FRMD4A: variants seen among roughly 807,000 people sequenced by gnomAD.
FRMD4A encodes FERM domain containing 4A, also known as FERM domain-containing protein 4A.
In FRMD4A, 29 loss-of-function variants were observed where a neutral mutation model predicts 129.1. That is an observed-to-expected ratio of 0.22 (90% CI 0.17 to 0.31). The LOEUF (loss-of-function observed/expected upper bound fraction) is 0.31, where lower values mean the gene tolerates loss of function less well. Ranked by LOEUF, FRMD4A falls within the 10% of genes least tolerant of loss-of-function variation. The pLI is 1.00. For synonymous variants in FRMD4A, 634 were observed against 571.6 expected, an observed-to-expected ratio of 1.11 and a Z score of -1.56; for missense variants, 1,272 against 1,375.8, an observed-to-expected ratio of 0.92 and a Z score of 1.19.
chr10:13,993,054 C>T (rs1020210506), intron 2 of FRMD4A, among the ~76,000 whole-genome samples: 1 of 151,416 alleles, frequency 6.6e-6, no homozygotes, highest in Non-Finnish European at 1.5e-5. Context: ...TGTCCTATGT[C>T]CCTACAAAAC....
chr10:13,681,506 G>T (rs78363802), intron 15 of FRMD4A, among the ~76,000 whole-genome samples: 1,752 of 152,120 alleles, frequency 0.012, 25 homozygotes, highest in African/African-American at 0.04. Context: ...TAGGAGTCAA[G>T]GGGAAAACAG....
In FRMD4A at chr10:13,966,891, G is replaced by A. The variant is rs117421795; in HGVS notation, c.46-107979C>T. Among the ~76,000 whole-genome samples, 8 of 152,338 alleles carry A rather than the reference G, an allele frequency of 5.3e-5. No individual in the cohort carries two copies. In the East Asian group the frequency reaches 1.3e-3, roughly 26 times the overall value. ...TATACATAGGATGGAATATTGCTTA[G>A]CCATAAAAAGGAATGAATTAATGGC... On this transcript the variant is annotated intron_variant, in intron 2 of 24. Transcript: ENST00000357447.
At chr10:13,697,516 C>T (rs80236568) in intron 14 of FRMD4A, among the ~76,000 whole-genome samples, 1,935 of 152,212 alleles carry the variant, frequency 0.013, 18 homozygotes, top group African/African-American at 0.018. Flanking sequence ...ACCGGGAGGA[C>T]ATGGGCATTG....
intron 2 of FRMD4A, among the ~76,000 whole-genome samples, chr10:14,031,065 C>T (rs1167241419): frequency 1.3e-5 from 2 of 152,136 alleles, no homozygotes; most frequent in African/African-American, 4.8e-5. Flanking sequence ...TCAGTCTTGC[C>T]ATCTGTCACT....
chr10:13,814,081 T>C (rs564876663), intron 3 of FRMD4A, among the ~76,000 whole-genome samples: 3 of 152,216 alleles, frequency 2.0e-5, no homozygotes, highest in Non-Finnish European at 2.9e-5. Context: ...TGCTCGAGAA[T>C]GGATTTGATT....
At chr10:14,185,857 C>T (rs1207060452) in intron 2 of FRMD4A, among the ~76,000 whole-genome samples, 1 of 152,044 alleles carries the variant, frequency 6.6e-6, no homozygotes, top group African/African-American at 2.4e-5. Flanking sequence ...CCAGGTTTCC[C>T]ATAGAGTTAG....
intron 2 of FRMD4A, among the ~76,000 whole-genome samples, chr10:13,964,492 G>T (rs11258754): frequency 3.4e-5 from 5 of 149,120 alleles, no homozygotes; most frequent in African/African-American, 1.0e-4. Context: ...TGGGTGGGGA[G>T]GCAATAGAGA....
At chr10:14,179,199 G>GAA (rs1841830135) in intron 2 of FRMD4A, among the ~76,000 whole-genome samples, 1 of 152,010 alleles carries the variant, frequency 6.6e-6, no homozygotes, top group African/African-American at 2.4e-5. Flanking sequence ...AGAGTCTCTG[G>GAA]GGATCATAGC....
At chr10:13,797,615 C>T (rs555557792) in intron 4 of FRMD4A, among the ~76,000 whole-genome samples, 1 of 152,282 alleles carries the variant, frequency 6.6e-6, no homozygotes, top group East Asian at 1.9e-4. Flanking sequence ...TCTTTCCTTT[C>T]CCTCCTCTCT....
At chr10:14,255,456 G>A (rs1024527510) in intron 2 of FRMD4A, among the ~76,000 whole-genome samples, 1 of 152,162 alleles carries the variant, frequency 6.6e-6, no homozygotes, top group African/African-American at 2.4e-5. Context: ...TGTAGATGGG[G>A]ACACAAGAAG....
At chr10:13,698,302 C>T (rs908356950) in intron 14 of FRMD4A, among the ~76,000 whole-genome samples, 2 of 152,218 alleles carry the variant, frequency 1.3e-5, no homozygotes, top group Middle Eastern at 3.4e-3. Flanking sequence ...TGAAGCTCTT[C>T]AGAGAAAGGA....
intron 2 of FRMD4A, among the ~76,000 whole-genome samples, chr10:13,964,289 C>T (rs1046131554): frequency 1.2e-4 from 18 of 152,050 alleles, no homozygotes; most frequent in African/African-American, 3.1e-4. Context: ...CACTAACAAA[C>T]GAACAACATC....
chr10:13,950,815 G>A (rs1217672203), intron 2 of FRMD4A, among the ~76,000 whole-genome samples: 2 of 152,182 alleles, frequency 1.3e-5, no homozygotes, highest in African/African-American at 2.4e-5. Flanking sequence ...CATCATGTCA[G>A]GAAGTCCTCC....
chr10:13,941,063 G>T (rs577657414), intron 2 of FRMD4A, among the ~76,000 whole-genome samples: 278 of 152,308 alleles, frequency 1.8e-3, no homozygotes, highest in Non-Finnish European at 3.2e-3. Flanking sequence ...GGACTTGAAA[G>T]GGTCCAATTT....
At chr10:14,063,743 A>C (rs1252708818) in intron 2 of FRMD4A, among the ~76,000 whole-genome samples, 1 of 152,100 alleles carries the variant, frequency 6.6e-6, no homozygotes, top group Non-Finnish European at 1.5e-5. Flanking sequence ...ACAATCTTGT[A>C]CGTGGATTTA....
intron 2 of FRMD4A, among the ~76,000 whole-genome samples, chr10:13,991,142 C>T (rs1419495313): frequency 1.3e-5 from 2 of 152,306 alleles, no homozygotes; most frequent in East Asian, 1.9e-4. Flanking sequence ...GCAAATCGTT[C>T]CCAGGAAGCT....
At chr10:13,753,338 G>A (rs190110279) in intron 8 of FRMD4A, among the ~76,000 whole-genome samples, 12 of 152,176 alleles carry the variant, frequency 7.9e-5, no homozygotes, top group East Asian at 5.8e-4. Context: ...CCACCATTGG[G>A]TTGGGTCCCA....
At chr10:14,315,457 G>A (rs1350726046) in intron 2 of FRMD4A, among the ~76,000 whole-genome samples, 1 of 152,148 alleles carries the variant, frequency 6.6e-6, no homozygotes, top group African/African-American at 2.4e-5. Flanking sequence ...CCTCATGTAT[G>A]CGAGTAAAAG....
intron 2 of FRMD4A, among the ~76,000 whole-genome samples, chr10:14,312,732 G>C (rs886268973): frequency 1.3e-5 from 2 of 152,138 alleles, no homozygotes; most frequent in African/African-American, 4.8e-5. Flanking sequence ...CAGGTGTGGT[G>C]GTGGGCACCT....
Sources: allele counts gnomAD v4.1 joint callset (sites outside exome capture counted in the v4.1 genomes callset), GRCh38; gene constraint gnomAD v4.1.1; transcripts MANE v1.5; gene names NCBI Gene and HGNC (gene_info 2026-07-23, HGNC 2026-07-21).